ITGA8: variants seen among roughly 807,000 people sequenced by gnomAD.
The protein encoded by ITGA8 is integrin alpha-8.
ITGA8 carries 91 observed loss-of-function variants against 142.3 expected under a neutral mutation model. That is an observed-to-expected ratio of 0.64 (90% CI 0.54 to 0.76). The LOEUF (loss-of-function observed/expected upper bound fraction) is 0.76. ITGA8 is among the 30% of genes least tolerant of loss of function. ITGA8 has a pLI of 0.00. For synonymous variants in ITGA8, 505 were observed against 485.2 expected (o/e 1.04, Z -0.54); for missense variants, 1,406 against 1,327.7 (o/e 1.06, Z -0.92).
chr10:15,704,251 C>T, intron 2 of ITGA8, among the ~76,000 whole-genome samples: 1 of 152,154 alleles, frequency 6.6e-6, no homozygotes, highest in East Asian at 1.9e-4. Context: ...GACCAGTCTG[C>T]CTTCCTCCAG....
intron 13 of ITGA8, 40 bp from the exon 14 acceptor site, chr10:15,616,599 A>G (rs1325924845): frequency 1.3e-6 from 2 of 1,553,596 alleles, no homozygotes; most frequent in African/African-American, 2.7e-5. Flanking sequence ...CGTGAATCGT[A>G]TAGAAACAAT....
Position 15,514,162 on chromosome 10 carries a change from G to A in ITGA8, c.*2996C>T, listed in dbSNP as rs955921119. On this transcript the variant is annotated 3_prime_UTR_variant, in exon 30 of 30. Coordinates refer to ENST00000378076, the MANE Select transcript of ITGA8 (RefSeq NM_003638.3). ...CCCCATTATTGTGTCTTAAAACCCA[G>A]CTGCAAGAATTTAAAAAGGGAATTC... 1 of 152,134 alleles carries A rather than the reference G, an allele frequency of 6.6e-6. No individual in the cohort carries two copies. The highest frequency in any genetic ancestry group is 1.5e-5 in the Non-Finnish European group (1 of 68,032). 9.4% of individuals were successfully genotyped at this position (152,134 alleles called of 1,614,324 possible). A position where few individuals can be genotyped will look rare whatever the true frequency, so the allele number is the denominator to read the frequency against.
rs537564082 is a variant in ITGA8, at chr10:15,663,730, T to C, written c.848-2808A>G. ...CTGGGACTACAGGTGCATGCCACCA[T>C]GCCCAGCTAATTTTTGTATTTTTGA... On this transcript the variant is annotated intron_variant, in intron 8 of 29. Coordinates refer to ENST00000378076, the MANE Select transcript of ITGA8 (RefSeq NM_003638.3). 1.3e-4 allele frequency among the ~76,000 whole-genome samples: 20 copies of C among 152,176 alleles called. No homozygotes were observed. The East Asian group carries it at 3.5e-3, about 26-fold the overall frequency.
At chr10:15,597,846 C>T (rs1833034833) in intron 20 of ITGA8, among the ~76,000 whole-genome samples, 1 of 152,188 alleles carries the variant, frequency 6.6e-6, no homozygotes, top group Non-Finnish European at 1.5e-5. Flanking sequence ...TTTAGCAGTA[C>T]TTCCTATTTC....
chr10:15,703,609 A>G (rs1274649748), intron 2 of ITGA8, among the ~76,000 whole-genome samples: 1 of 152,224 alleles, frequency 6.6e-6, no homozygotes, highest in East Asian at 1.9e-4. Flanking sequence ...CCCAAGTATG[A>G]TGCAACAGTG....
chr10:15,644,453 TA>T (rs1833933740), intron 12 of ITGA8, among the ~76,000 whole-genome samples: 1 of 5,354 alleles, frequency 1.9e-4, no homozygotes, highest in South Asian at 0.05. Context: ...TATATATATA[TA>T]TATATATATA....
In ITGA8 at chr10:15,517,229, T is replaced by A. The variant is rs1363071673; in HGVS notation, c.3121A>T (p.Arg1041Ter). 6.2e-7 allele frequency: 1 copy of A among 1,612,268 alleles called. No homozygotes were observed. Among genetic ancestry groups the A allele is most frequent in the Non-Finnish European group, 8.5e-7 (1 of 1,178,986 alleles). The change falls in exon 30 of 30, where the codon AGA (arginine) becomes TGA (stop). Residue 1041 changes from arginine to a stop codon, truncating the protein, a stop_gained. Coordinates refer to ENST00000378076, the MANE Select transcript of ITGA8 (RefSeq NM_003638.3). LOFTEE classifies it high-confidence loss of function. ...LALWKCGFFD[R>*]ARPPQEDMTD... ...ATGTCCTCCTGAGGAGGTCTGGCTC[T>A]GTCAAAGAATCCACACTATAAAGGG... is the stretch of plus-strand genomic sequence containing the variant.
At position 15,644,252 on chromosome 10, in the gene ITGA8, G is replaced by T. The variant is rs754737250; in HGVS notation, c.1208-31C>A. The T allele has an allele frequency of 2.5e-6, 4 of 1,571,646 alleles. No individual in the cohort carries two copies. The Admixed American group carries it at 5.1e-5, about 20-fold the overall frequency. On this transcript the variant is annotated intron_variant, in intron 12 of 29. Coordinates refer to ENST00000378076, the MANE Select transcript of ITGA8 (RefSeq NM_003638.3). ...AACAGACATAAAACATGTTTTATGT[G>T]TATATGTATTTAATTCTTCATTTGT...
intron 23 of ITGA8, among the ~76,000 whole-genome samples, chr10:15,585,431 C>T (rs1030099589): frequency 1.3e-5 from 2 of 152,160 alleles, no homozygotes; most frequent in Admixed American, 1.3e-4. Context: ...TTCTCTAATC[C>T]GCTAGGGGGC....
At chr10:15,518,129 G>A (rs1832997024) in intron 29 of ITGA8, among the ~76,000 whole-genome samples, 1 of 152,156 alleles carries the variant, frequency 6.6e-6, no homozygotes, top group South Asian at 2.1e-4. Flanking sequence ...TCAGGGAAGA[G>A]GTGACTCTAG....
At chr10:15,644,335 ATGG>A in intron 12 of ITGA8, 114 bp from the exon 13 acceptor site, 4 of 946,014 alleles carry the variant, frequency 4.2e-6, no homozygotes, top group Non-Finnish European at 6.2e-6. Context: ...TGGTGGGATC[ATGG>A]CTCACCGCAG....
intron 27 of ITGA8, among the ~76,000 whole-genome samples, chr10:15,531,637 A>C (rs2131542375): frequency 6.6e-6 from 1 of 152,262 alleles, no homozygotes; most frequent in South Asian, 2.1e-4. Context: ...ACTGGCAGTA[A>C]GTTATAAAGA....
chr10:15,584,840 T>A (rs1293283167), intron 23 of ITGA8, among the ~76,000 whole-genome samples: 1 of 152,114 alleles, frequency 6.6e-6, no homozygotes, highest in Non-Finnish European at 1.5e-5. Context: ...CAGATTCACC[T>A]GAGGTCAGGA....
chr10:15,572,087 G>A (rs1834195148), intron 25 of ITGA8, 124 bp downstream of exon 25: 1 of 686,244 alleles, frequency 1.5e-6, no homozygotes, highest in African/African-American at 1.8e-5. Flanking sequence ...GAAAAGTTCT[G>A]ATCAATGATC....
rs773117624 is a variant in ITGA8, at chr10:15,575,483, G to A, written c.2478+6C>T. The A allele has an allele frequency of 3.1e-6, 5 of 1,596,032 alleles. No individual in the cohort carries two copies. The South Asian group carries it at 5.5e-5, about 18-fold the overall frequency. Reference sequence around the variant, plus strand: ...CTAACACAACTTTAACACAGACAATGGCTACCTCATAAATATGTTCCACCA... The same window carrying A: ...CTAACACAACTTTAACACAGACAATAGCTACCTCATAAATATGTTCCACCA... On this transcript the variant is annotated splice_donor_region_variant and intron_variant, in intron 24 of 29. Coordinates refer to ENST00000378076, the MANE Select transcript of ITGA8 (RefSeq NM_003638.3).
intron 25 of ITGA8, among the ~76,000 whole-genome samples, chr10:15,564,173 C>G (rs1465171142): frequency 6.6e-6 from 1 of 152,222 alleles, no homozygotes; most frequent in Non-Finnish European, 1.5e-5. Context: ...AGGAATGCCA[C>G]TCTTAAACAC....
intron 13 of ITGA8, among the ~76,000 whole-genome samples, chr10:15,641,224 G>A (rs1833866701): frequency 6.6e-6 from 1 of 152,144 alleles, no homozygotes; most frequent in Non-Finnish European, 1.5e-5. Context: ...TGGCTGAGGG[G>A]TCTTGAATCT....
At chr10:15,623,059 T>C (rs1004185869) in intron 13 of ITGA8, among the ~76,000 whole-genome samples, 1 of 152,216 alleles carries the variant, frequency 6.6e-6, no homozygotes, top group Non-Finnish European at 1.5e-5. Flanking sequence ...TGACTATGTG[T>C]ACCGCTGACC....
At chr10:15,657,923 G>C (rs990227555) in intron 10 of ITGA8, among the ~76,000 whole-genome samples, 2 of 152,148 alleles carry the variant, frequency 1.3e-5, no homozygotes, top group Non-Finnish European at 2.9e-5. Flanking sequence ...TACTGAAATA[G>C]AGATGCAATA....
Sources: gnomAD v4.1 joint callset for allele counts (sites outside exome capture counted in the v4.1 genomes callset) on GRCh38, gnomAD v4.1.1 for gene constraint, MANE v1.5 for transcripts, NCBI Gene and HGNC (gene_info 2026-07-23, HGNC 2026-07-21) for gene names.